Variants in ARID3A observed in about 807,000 individuals in gnomAD.
ARID3A encodes the protein AT-rich interactive domain-containing protein 3A.
In ARID3A, 11 loss-of-function variants were observed where a neutral mutation model predicts 52.7. That is an observed-to-expected ratio of 0.21 (90% confidence interval 0.13 to 0.35). The LOEUF is 0.35. Ranked by LOEUF, ARID3A falls within the 10% of genes least tolerant of loss-of-function variation. The probability of loss-of-function intolerance (pLI) is 1.00; values close to 1 mark genes in which losing one functional copy is unlikely to be tolerated. For synonymous variants in ARID3A, 404 were observed against 359.4 expected, an observed-to-expected ratio of 1.12 and a Z score of -1.40; for missense variants, 721 against 838.5, an observed-to-expected ratio of 0.86 and a Z score of 1.73.
At chr19:935,883 C>T (rs111785827) in intron 3 of ARID3A, among the ~76,000 whole-genome samples, 16,461 of 152,124 alleles carry the variant, frequency 0.11, 1,127 homozygotes, top group African/African-American at 0.19. Flanking sequence ...CTCTACCTCC[C>T]GGGTTCACGC....
In ARID3A at chr19:964,789, AG is replaced by A; in HGVS notation, c.951-40del. ...TGTACTGAAGGCCAAAGAGAGCCGT[AG>A]GGGTGACCCGGGTGCCATCCTCTTC... On this transcript the variant is annotated intron_variant, in intron 5 of 8. Coordinates refer to ENST00000263620, the MANE Select transcript of ARID3A (RefSeq NM_005224.3). The surrounding 1 kb of genome is among the most constrained non-coding windows in gnomAD (Gnocchi z 5.7). The A allele has an allele frequency of 1.3e-6, 2 of 1,594,670 alleles. No individual in the cohort carries two copies. Among genetic ancestry groups the A allele is most frequent in the Non-Finnish European group, 8.6e-7 (1 of 1,167,312 alleles).
At chr19:971,778 G>A in intron 8 of ARID3A, 100 bp from the exon 9 acceptor site, 1 of 1,416,938 alleles carries the variant, frequency 7.1e-7, no homozygotes, top group Non-Finnish European at 9.4e-7. Context: ...CAGAGTGAGA[G>A]AGAAGTTTAT....
intron 4 of ARID3A, among the ~76,000 whole-genome samples, chr19:962,577 G>A (rs1316988659): frequency 2.0e-5 from 3 of 149,618 alleles, no homozygotes; most frequent in African/African-American, 7.4e-5. Flanking sequence ...TGCAATGGCG[G>A]GGTCTCGGCT....
At chr19:936,613 C>T (rs1277658863) in intron 3 of ARID3A, among the ~76,000 whole-genome samples, 1 of 152,048 alleles carries the variant, frequency 6.6e-6, no homozygotes, top group Non-Finnish European at 1.5e-5. Context: ...GAGGCCGGGG[C>T]AGGCGGATCA....
In ARID3A at chr19:929,491, G is replaced by C; in HGVS notation, c.-38G>C. 1 of 1,492,244 alleles carries C rather than the reference G, an allele frequency of 6.7e-7. No individual in the cohort carries two copies. Among genetic ancestry groups the C allele is most frequent in the Non-Finnish European group, 8.9e-7 (1 of 1,127,024 alleles). The allele number at this position is 1,492,244 out of a possible 1,614,324, so 92.4% of individuals were successfully genotyped here. A position where few individuals can be genotyped will look rare whatever the true frequency, so the allele number is the denominator to read the frequency against. ...CCCACCCCTAGCGCCCGTGGTGGTG[G>C]TGGTGGTGGTGGTGGTGGTGGCCCG... On this transcript the variant is annotated 5_prime_UTR_variant, in exon 2 of 9. Transcript: ENST00000263620. The surrounding 1 kb of genome is among the most constrained non-coding windows in gnomAD (Gnocchi z 6.2).
intron 6 of ARID3A, among the ~76,000 whole-genome samples, chr19:966,291 C>A (rs1471581625): frequency 6.6e-6 from 1 of 151,598 alleles, no homozygotes; most frequent in African/African-American, 2.4e-5. Flanking sequence ...GAAACCCCGT[C>A]TCTACTAAAA....
intron 8 of ARID3A, among the ~76,000 whole-genome samples, chr19:971,566 A>G (rs1405236488): frequency 6.6e-6 from 1 of 152,206 alleles, no homozygotes; most frequent in Non-Finnish European, 1.5e-5. Context: ...GTGAGCCAAT[A>G]TCGCACCACT....
At chr19:956,860 C>T (rs2037928637) in intron 3 of ARID3A, 1 of 152,432 alleles carries the variant, frequency 6.6e-6, no homozygotes, top group Admixed American at 6.5e-5. Flanking sequence ...GCCTCCCCAG[C>T]ACCTGGGATG....
chr19:930,469 T>A (rs1423279840), intron 2 of ARID3A, among the ~76,000 whole-genome samples: 1 of 148,082 alleles, frequency 6.8e-6, no homozygotes, highest in East Asian at 2.1e-4. Context: ...GGAGAATGGC[T>A]TGAACCTGGG....
chr19:927,967 G>A lies in ARID3A; in HGVS notation c.-267-1295G>A, dbSNP rs1402094830. ...GGGTAAAGGGTGTCTAGGGCAGAGG[G>A]GCCACAGGACTCTCTTGTCCGGTGA... On this transcript the variant is annotated intron_variant, in intron 1 of 8. Transcript: ENST00000263620. Among the ~76,000 whole-genome samples, 3 of 152,140 alleles carry A rather than the reference G, an allele frequency of 2.0e-5. No homozygotes were observed. The South Asian group carries it at 6.2e-4, about 31-fold the overall frequency.
intron 3 of ARID3A, among the ~76,000 whole-genome samples, chr19:952,422 A>G (rs2037818184): frequency 7.2e-6 from 1 of 139,430 alleles, no homozygotes. Flanking sequence ...AGCCTGGGCC[A>G]CAGAGCGAGA....
In ARID3A at chr19:929,286, C is replaced by T. The variant is rs1046135989; in HGVS notation, c.-243C>T. On this transcript the variant is annotated 5_prime_UTR_variant, in exon 2 of 9. Coordinates refer to ENST00000263620, the MANE Select transcript of ARID3A (RefSeq NM_005224.3). This position sits in a 1 kb window ranked among gnomAD's most constrained non-coding sequence, Gnocchi z 6.2. ...GGTTTCTGCAAATGCGTGAATGAGC[C>T]GGATGCCAGCCTCTGTCCCCTGGAG... is the stretch of plus-strand genomic sequence containing the variant. 7.4e-5 allele frequency: 26 copies of T among 352,626 alleles called. No homozygotes were observed. Among genetic ancestry groups the T allele is most frequent in the Non-Finnish European group, 1.1e-4 (24 of 225,110 alleles). The allele number at this position is 352,626 out of a possible 1,614,324, so 21.8% of individuals were successfully genotyped here.
intron 8 of ARID3A, among the ~76,000 whole-genome samples, chr19:970,629 C>T (rs749647954): frequency 3.7e-4 from 56 of 151,098 alleles, no homozygotes; most frequent in Admixed American, 9.3e-4. Context: ...TGCATGCCAC[C>T]AGGCCCGGCT....
intron 3 of ARID3A, among the ~76,000 whole-genome samples, chr19:935,063 C>G (rs2037411303): frequency 6.6e-6 from 1 of 152,174 alleles, no homozygotes; most frequent in South Asian, 2.1e-4. Context: ...CTACTGGGGC[C>G]CCTGTTGACT....
intron 3 of ARID3A, among the ~76,000 whole-genome samples, chr19:953,100 G>A (rs1329645684): frequency 6.6e-6 from 1 of 151,994 alleles, no homozygotes; most frequent in Non-Finnish European, 1.5e-5. Context: ...GGGCTGGGGA[G>A]GGGAGTCCTG....
In ARID3A at chr19:930,719, C is replaced by A. The variant is rs1256400422; in HGVS notation, c.368+823C>A. Among the ~76,000 whole-genome samples the A allele has an allele frequency of 1.0e-4, 15 of 150,712 alleles. No homozygotes were observed. In the East Asian group the frequency reaches 3.1e-3, roughly 31 times the overall value. On this transcript the variant is annotated intron_variant, in intron 2 of 8. Coordinates refer to ENST00000263620, the MANE Select transcript of ARID3A (RefSeq NM_005224.3). ...AGAGACGGGGTTTCACCATGTTAGCCAAGATGGTCTCGATCTCCTGACCTC... is the reference window on the plus strand; with the variant it reads ...AGAGACGGGGTTTCACCATGTTAGCAAAGATGGTCTCGATCTCCTGACCTC...
At chr19:966,461 A>G in intron 6 of ARID3A, 111 bp from the exon 7 acceptor site, 3 of 601,998 alleles carry the variant, frequency 5.0e-6, no homozygotes, top group Non-Finnish European at 7.0e-6. Flanking sequence ...TCCGTCTCAA[A>G]AAAAAAAAAA....
Position 938,930 on chromosome 19 carries a change from C to CT in ARID3A, c.693+6206dup, listed in dbSNP as rs5826711. Among the ~76,000 whole-genome samples the CT allele has an allele frequency of 0.052, 6,681 of 128,120 alleles. 289 individuals carry two copies. Among genetic ancestry groups the CT allele is most frequent in the African/African-American group, 0.086 (2,830 of 32,854 alleles). 84.1% of individuals were successfully genotyped at this position (128,120 alleles called of 152,430 possible). A position where few individuals can be genotyped will look rare whatever the true frequency, so the allele number is the denominator to read the frequency against. On this transcript the variant is annotated intron_variant, in intron 3 of 8. Transcript: ENST00000263620. This position sits in a 1 kb window ranked among gnomAD's most constrained non-coding sequence, Gnocchi z 4.0. ...CACATAGATACATTATTTTATCTCTCTTTTTTTTTTTTTTTTTTGAGACGG... is the reference window on the plus strand; with the variant it reads ...CACATAGATACATTATTTTATCTCTCTTTTTTTTTTTTTTTTTTTGAGACGG...
Position 971,996 on chromosome 19 carries a change from C to T in ARID3A, c.1713C>T (p.Ser571=), listed in dbSNP as rs148111495. ...GCCGGGGAGGAAACACCGGAACCAG[C>T]GGCGGCCAGGCTGGGCCAGCGGGGC... is the stretch of plus-strand genomic sequence containing the variant. ...AGGRGGNTGT[S]GGQAGPAGLS... is the part of the protein sequence containing the mutation. Residue 571 remains serine, a synonymous_variant, in exon 9 of 9, where the codon AGC becomes AGT. Transcript: ENST00000263620. The T allele has an allele frequency of 1.1e-4, 173 of 1,600,430 alleles. No individual in the cohort carries two copies. The African/African-American group carries it at 2.0e-3, about 18-fold the overall frequency.
Sources: allele counts gnomAD v4.1 joint callset (sites outside exome capture counted in the v4.1 genomes callset), GRCh38; gene constraint gnomAD v4.1.1; non-coding constraint Gnocchi (gnomAD v3.1); transcripts MANE v1.5; gene names NCBI Gene and HGNC (gene_info 2026-07-23, HGNC 2026-07-21).